TOP1MT: variants seen among roughly 807,000 people sequenced by gnomAD.
TOP1MT encodes DNA topoisomerase I, mitochondrial.
TOP1MT carries 80 observed loss-of-function variants against 73.9 expected under a neutral mutation model. The ratio of observed to expected loss-of-function variants is 1.08; its 90% confidence interval spans 0.90 to 1.30. The LOEUF is 1.30. TOP1MT is among the 50% of genes most tolerant of loss of function. The pLI is 0.00. For missense variants in TOP1MT, 815 were observed against 808.0 expected (o/e 1.01, Z -0.10); for synonymous variants, 338 against 326.4 (o/e 1.04, Z -0.38).
At position 143,341,515 on chromosome 8, in the gene TOP1MT, A is replaced by G. The variant is rs888360847; in HGVS notation, c.29+1705T>C. ...CATACCCACCCGGAGACCCCAGAGGAGGAGGGAAGGTTCACCTTCCCCACC... is the reference window on the plus strand; with the variant it reads ...CATACCCACCCGGAGACCCCAGAGGGGGAGGGAAGGTTCACCTTCCCCACC... On this transcript the variant is annotated intron_variant, in intron 2 of 5. Coordinates refer to the TOP1MT transcript ENST00000518007. The surrounding 1 kb of genome is among the most constrained non-coding windows in gnomAD (Gnocchi z 4.1). Among the ~76,000 whole-genome samples the G allele has an allele frequency of 2.6e-5, 4 of 152,336 alleles. 1 individual carries two copies. The highest frequency in any genetic ancestry group is 9.6e-5 in the African/African-American group (4 of 41,588).
rs200830353 is a variant in TOP1MT at position 143,329,433 on chromosome 8, C to T, written c.277G>A (p.Ala93Thr). The T allele has an allele frequency of 1.8e-4, 282 of 1,610,786 alleles. No homozygotes were observed. Among genetic ancestry groups the T allele is most frequent in the Middle Eastern group, 6.6e-4 (4 of 6,074 alleles). ...TCTAACATCCTCCCATAAAAAGTGG[C>T]GACCTCCTCCGCTGCCACGCTCAAT... ...VRLSVAAEEV[A>T]TFYGRMLDHE... is the part of the protein sequence containing the mutation. The change falls in exon 3 of 14, where the codon GCC (alanine) becomes ACC (threonine). Residue 93 changes from alanine to threonine, a missense_variant. Physicochemically the swap from Ala to Thr is moderately conservative, Grantham distance 58. This residue lies in a region of TOP1MT where 751 missense variants were observed against 725.4 expected (regional missense o/e 1.04). Coordinates refer to ENST00000329245, the MANE Select transcript of TOP1MT (RefSeq NM_052963.3).
chr8:143,320,223 G>A (rs1164741841), intron 8 of TOP1MT, among the ~76,000 whole-genome samples: 2 of 151,864 alleles, frequency 1.3e-5, no homozygotes, highest in African/African-American at 4.8e-5. Context: ...CCGCCTCCTG[G>A]GTTCACGCCA....
intron 8 of TOP1MT, among the ~76,000 whole-genome samples, chr8:143,318,802 A>G (rs1816247614): frequency 1.3e-5 from 2 of 151,646 alleles, no homozygotes; most frequent in Middle Eastern, 3.2e-3. Context: ...CATTCTACAA[A>G]CCCACAGGCA....
intron 12 of TOP1MT, among the ~76,000 whole-genome samples, chr8:143,314,059 T>C (rs1205844110): frequency 1.3e-5 from 2 of 152,032 alleles, no homozygotes; most frequent in Non-Finnish European, 2.9e-5. Context: ...TCACACCCAC[T>C]GGGCTCTAAT....
At position 143,342,088 on chromosome 8, in the gene TOP1MT, T is replaced by TTATTAGAGA. The variant is rs1554622672; in HGVS notation, c.29+1131_29+1132insTCTCTAATA. Among the ~76,000 whole-genome samples the TTATTAGAGA allele has an allele frequency of 1.6e-5, 2 of 123,830 alleles. 1 individual carries two copies. The highest frequency in any genetic ancestry group is 7.9e-5 in the African/African-American group (2 of 25,188). The allele number at this position is 123,830 out of a possible 152,430, so 81.2% of individuals were successfully genotyped here. On this transcript the variant is annotated intron_variant, in intron 2 of 5. Transcript: ENST00000518007. ...GAGTCTCGCTCTGTTATTATTATTA[T>TTATTAGAGA]TAGAGTCTCGCTCTGTTATTATTAT... is the stretch of plus-strand genomic sequence containing the variant.
rs1416791620 is a variant in TOP1MT at position 143,344,772 on chromosome 8, G to C, written c.-39+144C>G. ...AGGCTCCATGTTGTCCGTAAGTCCAGGGCCCAGCACCTAAGGGTGATTAAC... is the reference window on the plus strand; with the variant it reads ...AGGCTCCATGTTGTCCGTAAGTCCACGGCCCAGCACCTAAGGGTGATTAAC... On this transcript the variant is annotated intron_variant, in intron 1 of 5. Transcript: ENST00000518007. This position sits in a 1 kb window ranked among gnomAD's most constrained non-coding sequence, Gnocchi z 4.6. 6.6e-6 allele frequency: 1 copy of C among 152,456 alleles called. No homozygotes were observed. The highest frequency in any genetic ancestry group is 1.9e-4 in the East Asian group (1 of 5,194). The allele number at this position is 152,456 out of a possible 1,614,324, so 9.4% of individuals were successfully genotyped here.
intron 1 of TOP1MT, among the ~76,000 whole-genome samples, chr8:143,351,188 G>C (rs971225038): frequency 8.5e-5 from 13 of 152,156 alleles, no homozygotes; most frequent in Admixed American, 5.9e-4. Context: ...TGTATTTGGA[G>C]TTGAGCTCAA....
intron 3 of TOP1MT, 120 bp downstream of exon 3, chr8:143,329,230 G>A: frequency 8.8e-7 from 1 of 1,135,104 alleles, no homozygotes; most frequent in Non-Finnish European, 1.2e-6. Context: ...CGGCACCTGT[G>A]AGTGGTCACA....
At chr8:143,328,148 C>G (rs1169737909) in intron 3 of TOP1MT, 15 of 428,926 alleles carry the variant, frequency 3.5e-5, no homozygotes, top group Non-Finnish European at 6.5e-5. Context: ...TTTTGCAAAT[C>G]ATATTTCTGA....
Position 143,329,355 on chromosome 8 carries a change from G to C in TOP1MT, c.355C>G (p.Arg119Gly). ...VFRKNFFNDWRKEMAVEEREV... is the reference protein window; with the variant it reads ...VFRKNFFNDWGKEMAVEEREV... ...CGGCCGCCCAGGGTACCTACCTTTC[G>C]CCAGTCATTGAAGAAGTTCTTCCGG... Residue 119 changes from arginine to glycine, a missense_variant, in exon 3 of 14, where the codon CGA becomes GGA. Physicochemically the swap from Arg to Gly is moderately radical, Grantham distance 125 (BLOSUM62 -2). Transcript: ENST00000329245. The C allele has an allele frequency of 1.2e-6, 2 of 1,606,440 alleles. No homozygotes were observed. The highest frequency in any genetic ancestry group is 1.7e-6 in the Non-Finnish European group (2 of 1,177,814).
At chr8:143,332,537 G>GGGGCCTGGT in intron 1 of TOP1MT, 2 of 1,289,446 alleles carry the variant, frequency 1.6e-6, no homozygotes, top group South Asian at 2.5e-5. Context: ...AGTGCTGTTG[G>GGGGCCTGGT]GGGCCTGGTG....
intron 2 of TOP1MT, among the ~76,000 whole-genome samples, chr8:143,329,678 C>T (rs373874727): frequency 1.2e-4 from 18 of 152,072 alleles, no homozygotes; most frequent in East Asian, 1.9e-4. Context: ...GATCTGGGAG[C>T]GGGTCGTGAG....
intron 8 of TOP1MT, among the ~76,000 whole-genome samples, chr8:143,320,716 C>T (rs372677115): frequency 9.0e-4 from 137 of 152,332 alleles, no homozygotes; most frequent in Non-Finnish European, 1.5e-3. Flanking sequence ...CATGTGACAA[C>T]GGAGGCAGAG....
chr8:143,343,603 G>A (rs1817170036), intron 1 of TOP1MT: 1 of 243,142 alleles, frequency 4.1e-6, no homozygotes, highest in African/African-American at 2.2e-5. Flanking sequence ...GTCCCCTCTG[G>A]GACCATCTCT....
At chr8:143,332,476 C>T (rs1291542655) in intron 1 of TOP1MT, 2 of 1,288,610 alleles carry the variant, frequency 1.6e-6, no homozygotes, top group Admixed American at 2.3e-5. Context: ...GGTTCCAGAT[C>T]ACACCCCCAC....
rs753889368 is a variant in TOP1MT at position 143,324,581 on chromosome 8, C to T, written c.720G>A (p.Val240=). The T allele has an allele frequency of 1.5e-5, 25 of 1,613,660 alleles. No individual in the cohort carries two copies. Among genetic ancestry groups the T allele is most frequent in the Non-Finnish European group, 2.1e-5 (25 of 1,180,002 alleles). Residue 240 remains valine, a synonymous_variant, in exon 6 of 14, where the codon GTG becomes GTA. Transcript: ENST00000329245. The part of the protein sequence containing the change: ...EPPAGHQWKE[V]RSDNTVTWLA... Reference sequence around the variant, plus strand: ...GCCACGTGACGGTGTTATCGGAGCGCACCTCCTTCCACTGGTGCCCCGCCG... The same window carrying T: ...GCCACGTGACGGTGTTATCGGAGCGTACCTCCTTCCACTGGTGCCCCGCCG...
At position 143,324,561 on chromosome 8, in the gene TOP1MT, G is replaced by A. The variant is rs150737353; in HGVS notation, c.740C>T (p.Thr247Met). The change falls in exon 6 of 14, where the codon ACG becomes ATG. Residue 247 changes from threonine to methionine, a missense_variant. Transcript: ENST00000329245. ...GCTCTCGGTCCAAGCTGCCAGCCACGTGACGGTGTTATCGGAGCGCACCTC... is the reference window on the plus strand; with the variant it reads ...GCTCTCGGTCCAAGCTGCCAGCCACATGACGGTGTTATCGGAGCGCACCTC... ...WKEVRSDNTV[T>M]WLAAWTESVQ... 1.6e-4 allele frequency: 252 copies of A among 1,613,802 alleles called. No individual in the cohort carries two copies. The African/African-American group carries it at 2.2e-3, about 14-fold the overall frequency.
At chr8:143,323,396 G>T (rs1362730674) in intron 7 of TOP1MT, among the ~76,000 whole-genome samples, 7 of 66,998 alleles carry the variant, frequency 1.0e-4, no homozygotes, top group East Asian at 4.8e-4. Context: ...CACACACACA[G>T]GCACGCCACA....
intron 1 of TOP1MT, chr8:143,343,290 G>C (rs1239776083): frequency 2.2e-6 from 1 of 456,142 alleles, no homozygotes; most frequent in Non-Finnish European, 4.4e-6. Context: ...TGCAAATCTA[G>C]AATTCAAATG....
Sources: gnomAD v4.1 joint callset for allele counts (sites outside exome capture counted in the v4.1 genomes callset) on GRCh38, gnomAD v4.1.1 for gene constraint, gnomAD v4.1.1 regional missense constraint, Gnocchi (gnomAD v3.1) non-coding constraint, MANE v1.5 for transcripts, NCBI Gene and HGNC (gene_info 2026-07-23, HGNC 2026-07-21) for gene names.